CRISPLD1: variants seen among roughly 807,000 people sequenced by gnomAD.
CRISPLD1 encodes cysteine rich secretory protein LCCL domain containing 1.
In CRISPLD1, 60 loss-of-function variants were observed where a neutral mutation model predicts 77.5. The ratio of observed to expected loss-of-function variants is 0.77; its 90% CI spans 0.63 to 0.96. The LOEUF is 0.96. CRISPLD1 is among the 40% of genes least tolerant of loss of function. CRISPLD1 has a pLI of 0.00. For synonymous variants in CRISPLD1, 195 were observed against 200.1 expected, an observed-to-expected ratio of 0.97 and a Z score of 0.22; for missense variants, 623 against 615.8, an observed-to-expected ratio of 1.01 and a Z score of -0.12.
At chr8:74,997,032 G>C (rs1812656625) in intron 2 of CRISPLD1, among the ~76,000 whole-genome samples, 1 of 152,020 alleles carries the variant, frequency 6.6e-6, no homozygotes, top group African/African-American at 2.4e-5. Context: ...ATCCTTTTTG[G>C]CCTTTTAAGT....
At chr8:74,989,874 GGTCTTACAT>G (rs1300920461) in intron 2 of CRISPLD1, among the ~76,000 whole-genome samples, 3 of 152,116 alleles carry the variant, frequency 2.0e-5, no homozygotes, top group African/African-American at 7.2e-5. Context: ...TATAGTTTCA[GGTCTTACAT>G]GTAAGTCTTT....
chr8:75,028,172 T>TG (rs1320471689), intron 13 of CRISPLD1, among the ~76,000 whole-genome samples: 2 of 152,162 alleles, frequency 1.3e-5, no homozygotes, highest in Non-Finnish European at 2.9e-5. Context: ...CAATGGGACT[T>TG]TAAGTGTTGA....
At chr8:75,021,704 T>G (rs1813139015) in intron 12 of CRISPLD1, among the ~76,000 whole-genome samples, 1 of 152,182 alleles carries the variant, frequency 6.6e-6, no homozygotes, top group Admixed American at 6.5e-5. Flanking sequence ...TTTGGAGAAA[T>G]ATTTTTTTCA....
chr8:74,993,457 G>T (rs140084881), intron 2 of CRISPLD1, among the ~76,000 whole-genome samples: 1,617 of 152,176 alleles, frequency 0.011, 26 homozygotes, highest in African/African-American at 0.036. Context: ...TTCCTAAGGT[G>T]TTTTTGCTTT....
intron 2 of CRISPLD1, among the ~76,000 whole-genome samples, chr8:75,008,815 A>G (rs1371992594): frequency 6.6e-6 from 1 of 152,172 alleles, no homozygotes; most frequent in Non-Finnish European, 1.5e-5. Context: ...TTAGTCCTCA[A>G]AGTGATCGGA....
In CRISPLD1 at chr8:75,020,090, G is replaced by A. The variant is rs192963061; in HGVS notation, c.1244+11G>A. The A allele has an allele frequency of 3.7e-6, 6 of 1,608,122 alleles. No individual in the cohort carries two copies. The East Asian group carries it at 1.1e-4, about 30-fold the overall frequency. ...TTCACATTGCCCAAGGTAAACCAGT[G>A]TACACATAGGGGGCTTTGGCCCTGT... On this transcript the variant is annotated intron_variant, in intron 12 of 14. Transcript: ENST00000262207.
intron 5 of CRISPLD1, 99 bp downstream of exon 5, chr8:75,014,201 T>C (rs151047325): frequency 0.014 from 10,143 of 747,256 alleles, 89 homozygotes; most frequent in Middle Eastern, 0.02. Context: ...TGTGTATCAC[T>C]GAAGTGTATT....
chr8:75,029,571 C>T (rs1328083706), intron 14 of CRISPLD1, 54 bp downstream of exon 14: 1 of 1,541,746 alleles, frequency 6.5e-7, no homozygotes, highest in Non-Finnish European at 8.9e-7. Flanking sequence ...TCACTGTATT[C>T]ATGATTGCTT....
At chr8:75,015,916 C>G (rs1196895409) in intron 6 of CRISPLD1, among the ~76,000 whole-genome samples, 1 of 151,658 alleles carries the variant, frequency 6.6e-6, no homozygotes, top group African/African-American at 2.4e-5. Flanking sequence ...TTTTTAGGTT[C>G]TGAGTTCTTG....
intron 2 of CRISPLD1, chr8:75,000,473 C>A: frequency 1.0e-6 from 1 of 964,084 alleles, no homozygotes; most frequent in South Asian, 4.8e-5. Flanking sequence ...CATGTTATTC[C>A]GTATGCCTTG....
intron 3 of CRISPLD1, 23 bp downstream of exon 3, chr8:75,012,574 C>A: frequency 6.8e-7 from 1 of 1,464,266 alleles, no homozygotes; most frequent in Non-Finnish European, 9.6e-7. Flanking sequence ...ACAACTTTTT[C>A]TTTATGAAAA....
intron 2 of CRISPLD1, among the ~76,000 whole-genome samples, chr8:75,006,030 G>A (rs2128783572): frequency 6.6e-6 from 1 of 152,164 alleles, no homozygotes; most frequent in Middle Eastern, 3.4e-3. Flanking sequence ...AGTGAACATT[G>A]TACCCAATTA....
chr8:74,999,677 C>G (rs2128782289), intron 2 of CRISPLD1, among the ~76,000 whole-genome samples: 1 of 151,924 alleles, frequency 6.6e-6, no homozygotes, highest in South Asian at 2.1e-4. Flanking sequence ...AATACAGGTT[C>G]TTTATTTTCT....
chr8:75,000,152 C>G (rs1462451193), intron 2 of CRISPLD1: 3 of 984,888 alleles, frequency 3.0e-6, no homozygotes, highest in Admixed American at 6.2e-5. Flanking sequence ...AAAGTAACCA[C>G]CAGAACGCTG....
intron 2 of CRISPLD1, among the ~76,000 whole-genome samples, chr8:75,006,642 G>A (rs1483269803): frequency 6.6e-6 from 1 of 152,002 alleles, no homozygotes; most frequent in Non-Finnish European, 1.5e-5. Flanking sequence ...GTAGCGGTTA[G>A]GGTGTTAAGC....
chr8:75,034,107 T>C lies in CRISPLD1; in HGVS notation c.*1865T>C, dbSNP rs1268040240. ...TCTCCATTCCTTTTTAATACATTCG[T>C]ATTTCCCAGCCCCAGAACCCTTGAA... On this transcript the variant is annotated 3_prime_UTR_variant, in exon 15 of 15. Transcript: ENST00000262207. The C allele has an allele frequency of 6.6e-6, 1 of 152,088 alleles. No individual in the cohort carries two copies. Among genetic ancestry groups the C allele is most frequent in the Non-Finnish European group, 1.5e-5 (1 of 67,954 alleles). The allele number at this position is 152,088 out of a possible 1,614,324, so 9.4% of individuals were successfully genotyped here.
At chr8:75,029,362 G>A in intron 13 of CRISPLD1, 25 bp from the exon 14 acceptor site, 2 of 1,600,656 alleles carry the variant, frequency 1.2e-6, no homozygotes, top group Non-Finnish European at 1.7e-6. Context: ...TCCAATAATG[G>A]CAGTTTGTTT....
At chr8:74,986,340 A>T in intron 2 of CRISPLD1, 95 bp downstream of exon 2, 2 of 1,275,692 alleles carry the variant, frequency 1.6e-6, no homozygotes, top group Non-Finnish European at 2.2e-6. Context: ...TTTATTTTAT[A>T]TGAAGTTGAA....
At chr8:75,030,057 T>A (rs1051502225) in intron 14 of CRISPLD1, among the ~76,000 whole-genome samples, 2 of 152,168 alleles carry the variant, frequency 1.3e-5, no homozygotes, top group Admixed American at 6.6e-5. Flanking sequence ...TTGAGAAAAT[T>A]CATGTAACTC....
Sources: gnomAD v4.1 joint callset for allele counts (sites outside exome capture counted in the v4.1 genomes callset) on GRCh38, gnomAD v4.1.1 for gene constraint, MANE v1.5 for transcripts, NCBI Gene and HGNC (gene_info 2026-07-23, HGNC 2026-07-21) for gene names.